The following GALNT14 variants were observed in gnomAD, a reference collection of about 807,000 sequenced individuals.
The protein encoded by GALNT14 is polypeptide N-acetylgalactosaminyltransferase 14.
In GALNT14, 60 loss-of-function variants were observed where a neutral mutation model predicts 77.5. That is an observed-to-expected ratio of 0.77 (90% CI 0.63 to 0.96). The LOEUF (loss-of-function observed/expected upper bound fraction) is 0.96, where lower values mean the gene tolerates loss of function less well. Among genes scored for constraint, GALNT14 ranks in the 40% least tolerant of loss-of-function variants. The pLI is 0.00. For synonymous variants in GALNT14, 280 were observed against 281.7 expected (o/e 0.99, Z 0.06); for missense variants, 710 against 731.0 (o/e 0.97, Z 0.33).
rs965966273 is a variant in GALNT14, at chr2:31,059,006, T to C, written c.130-65999A>G. On this transcript the variant is annotated intron_variant, in intron 1 of 14. Coordinates refer to ENST00000349752, the MANE Select transcript of GALNT14 (RefSeq NM_024572.4). ...CTTCCACTGAGAAACAGAAAAGGCA[T>C]TGAAGAGATACGGTCATCTGCCTAC... Among the ~76,000 whole-genome samples, 2 of 152,142 alleles carry C rather than the reference T, an allele frequency of 1.3e-5. 1 individual carries two copies. The highest frequency in any genetic ancestry group is 1.3e-4 in the Admixed American group (2 of 15,282).
chr2:30,900,219 A>G, the GALNT14 span, among the ~76,000 whole-genome samples: 748 of 152,254 alleles, frequency 4.9e-3, 6 homozygotes, highest in African/African-American at 0.017. Flanking sequence ...CCCTTCCATC[A>G]CCATCCCCCA....
intron 2 of GALNT14, among the ~76,000 whole-genome samples, chr2:30,977,806 G>A (rs76459683): frequency 6.6e-6 from 1 of 152,012 alleles, no homozygotes; most frequent in Non-Finnish European, 1.5e-5. Context: ...CTGCACCTTC[G>A]TACAGTCAAT....
At chr2:30,904,452 C>A in the GALNT14 span, among the ~76,000 whole-genome samples, 1 of 152,236 alleles carries the variant, frequency 6.6e-6, no homozygotes, top group East Asian at 1.9e-4. Flanking sequence ...GGGTGACGGA[C>A]GGCACCTGGA....
intron 2 of GALNT14, among the ~76,000 whole-genome samples, chr2:30,989,583 A>ATATATATATATATATATAAAAATATAT (rs56703340): frequency 4.4e-5 from 4 of 91,876 alleles, no homozygotes; most frequent in African/African-American, 1.7e-4. Context: ...TATATATATA[A>ATATATATATATATATATAAAAATATAT]AAATATATAT....
downstream of GALNT14, among the ~76,000 whole-genome samples, chr2:30,905,511 A>C (rs1572943672): frequency 1.3e-5 from 2 of 152,080 alleles, no homozygotes; most frequent in East Asian, 3.9e-4. Context: ...AGTTTAGAGA[A>C]AAAAGAATAA....
intron 1 of GALNT14, among the ~76,000 whole-genome samples, chr2:31,031,094 C>T (rs1443570643): frequency 6.6e-6 from 1 of 152,150 alleles, no homozygotes. Context: ...ATGGCGATCA[C>T]CATGTGCTCA....
chr2:31,062,133 T>C (rs941072057), intron 1 of GALNT14, among the ~76,000 whole-genome samples: 2 of 152,206 alleles, frequency 1.3e-5, no homozygotes, highest in African/African-American at 2.4e-5. Context: ...GCCATGGTGG[T>C]TTGCTGCACC....
rs117768203 is a variant in GALNT14, at chr2:30,977,827, G to A, written c.300-11525C>T. ...CTTCGTACAGTCAATCCACCCCTGA[G>A]CCAATACTGCACTCAAATCTGCCTC... On this transcript the variant is annotated intron_variant, in intron 2 of 14. Coordinates refer to ENST00000349752, the MANE Select transcript of GALNT14 (RefSeq NM_024572.4). Among the ~76,000 whole-genome samples, 759 of 152,236 alleles carry A rather than the reference G, an allele frequency of 5.0e-3. 17 individuals carry two copies. Among genetic ancestry groups the A allele is most frequent in the South Asian group, 0.045 (216 of 4,818 alleles).
At chr2:30,965,809 T>TG (rs1407131933) in intron 3 of GALNT14, among the ~76,000 whole-genome samples, 2 of 150 alleles carry the variant, frequency 0.013, no homozygotes, top group Non-Finnish European at 0.034. Flanking sequence ...TGCTGGGTGC[T>TG]GACCCAGCCT....
At chr2:30,972,814 C>G (rs546126734) in intron 2 of GALNT14, among the ~76,000 whole-genome samples, 37 of 152,338 alleles carry the variant, frequency 2.4e-4, no homozygotes, top group Admixed American at 1.9e-3. Context: ...GAGGGAGGGA[C>G]TGGCTGCTGC....
Position 31,135,891 on chromosome 2 carries a change from G to A in GALNT14, c.129+2067C>T, listed in dbSNP as rs557651138. Among the ~76,000 whole-genome samples the A allele has an allele frequency of 1.7e-4, 26 of 152,302 alleles. No homozygotes were observed. The Middle Eastern group carries it at 0.017, about 100-fold the overall frequency. On this transcript the variant is annotated intron_variant, in intron 1 of 14. Transcript: ENST00000349752. ...TGTGATAGATGTGTGCTGAGCACAC[G>A]CCAGGATAAGAAGAGGCAGGAGAGG...
intron 1 of GALNT14, among the ~76,000 whole-genome samples, chr2:31,110,742 T>TC (rs1263199627): frequency 1.3e-5 from 2 of 152,176 alleles, no homozygotes; most frequent in East Asian, 3.9e-4. Flanking sequence ...GTTCTAAAAC[T>TC]GGGGGGAATT....
intron 1 of GALNT14, among the ~76,000 whole-genome samples, chr2:31,049,579 G>T (rs1360809890): frequency 2.0e-5 from 3 of 152,244 alleles, no homozygotes; most frequent in South Asian, 2.1e-4. Flanking sequence ...TGTGGCAGGG[G>T]TGAGGGTGGA....
intron 1 of GALNT14, among the ~76,000 whole-genome samples, chr2:31,117,251 TCCTA>T (rs1678154552): frequency 6.6e-6 from 1 of 152,110 alleles, no homozygotes; most frequent in East Asian, 1.9e-4. Context: ...AGAAACATGC[TCCTA>T]CCTGAGTAGC....
rs187708624 is a variant in GALNT14 at position 31,005,908 on chromosome 2, T to G, written c.130-12901A>C. Among the ~76,000 whole-genome samples, 6 of 152,352 alleles carry G rather than the reference T, an allele frequency of 3.9e-5. No individual in the cohort carries two copies. In the East Asian group the frequency reaches 1.2e-3, roughly 29 times the overall value. ...GAAATTGAGCTTTGTGCTAACTTGCTTTTTATGCACGTGGAGAGTGGGGGC... is the reference window on the plus strand; with the variant it reads ...GAAATTGAGCTTTGTGCTAACTTGCGTTTTATGCACGTGGAGAGTGGGGGC... On this transcript the variant is annotated intron_variant, in intron 1 of 14. Coordinates refer to ENST00000349752, the MANE Select transcript of GALNT14 (RefSeq NM_024572.4).
chr2:31,046,671 G>A (rs1236894491), intron 1 of GALNT14, among the ~76,000 whole-genome samples: 1 of 152,108 alleles, frequency 6.6e-6, no homozygotes, highest in Non-Finnish European at 1.5e-5. Context: ...CCTGGCTTTT[G>A]AACAATAGTT....
intron 13 of GALNT14, among the ~76,000 whole-genome samples, chr2:30,922,497 C>T (rs572941433): frequency 6.6e-6 from 1 of 152,358 alleles, no homozygotes; most frequent in Admixed American, 6.5e-5. Context: ...ACTCTCCAAC[C>T]CTACTCTCCC....
intron 1 of GALNT14, among the ~76,000 whole-genome samples, chr2:31,020,674 T>A (rs1178416135): frequency 6.6e-6 from 1 of 152,218 alleles, no homozygotes; most frequent in Non-Finnish European, 1.5e-5. Context: ...GAAGGTGTGT[T>A]GCTGGTAGGA....
At chr2:31,021,645 A>C (rs1249326330) in intron 1 of GALNT14, among the ~76,000 whole-genome samples, 1 of 152,198 alleles carries the variant, frequency 6.6e-6, no homozygotes, top group Non-Finnish European at 1.5e-5. Context: ...AAACATAGCC[A>C]AGCCCATTTG....
Sources: allele counts gnomAD v4.1 joint callset (sites outside exome capture counted in the v4.1 genomes callset), GRCh38; gene constraint gnomAD v4.1.1; transcripts MANE v1.5; gene names NCBI Gene and HGNC (gene_info 2026-07-23, HGNC 2026-07-21).